The following ATF6 variants were observed in gnomAD, a reference collection of about 807,000 sequenced individuals.
The protein encoded by ATF6 is activating transcription factor 6.
ATF6 carries 53 observed loss-of-function variants against 83.6 expected under a neutral mutation model. The ratio of observed to expected loss-of-function variants is 0.63; its 90% CI spans 0.51 to 0.80. The LOEUF (loss-of-function observed/expected upper bound fraction) is 0.80, where lower values mean the gene tolerates loss of function less well. ATF6 is among the 30% of genes least tolerant of loss of function. The pLI, the probability that ATF6 is intolerant of heterozygous loss-of-function variation, is 0.00. For missense variants in ATF6, 744 were observed against 797.9 expected (o/e 0.93, Z 0.81); for synonymous variants, 288 against 285.8 (o/e 1.01, Z -0.08).
chr1:161,888,090 G>A (rs935015457), intron 14 of ATF6, among the ~76,000 whole-genome samples: 2 of 152,082 alleles, frequency 1.3e-5, no homozygotes, highest in South Asian at 2.1e-4. Flanking sequence ...GAAACATTAC[G>A]AATAAATAAA....
At chr1:161,852,167 G>T (rs1175834708) in intron 11 of ATF6, among the ~76,000 whole-genome samples, 1 of 152,142 alleles carries the variant, frequency 6.6e-6, no homozygotes, top group Non-Finnish European at 1.5e-5. Context: ...ATAATAATTT[G>T]TGGGTATGTG....
chr1:161,961,247 C>T lies in ATF6; in HGVS notation c.*2593C>T, dbSNP rs1292963374. On this transcript the variant is annotated 3_prime_UTR_variant, in exon 16 of 16. Coordinates refer to ENST00000367942, the MANE Select transcript of ATF6 (RefSeq NM_007348.4). ...AAGAGCAGGAAGGTGGTAGCAGGGCCGGCAGCTCTGCCACAGAGCTAGGGG... is the reference window on the plus strand; with the variant it reads ...AAGAGCAGGAAGGTGGTAGCAGGGCTGGCAGCTCTGCCACAGAGCTAGGGG... 2.0e-5 allele frequency: 3 copies of T among 152,272 alleles called. No individual in the cohort carries two copies. The highest frequency in any genetic ancestry group is 7.2e-5 in the African/African-American group (3 of 41,436). 9.4% of individuals were successfully genotyped at this position (152,272 alleles called of 1,614,324 possible). A position where few individuals can be genotyped will look rare whatever the true frequency, so the allele number is the denominator to read the frequency against.
chr1:161,822,916 T>C (rs922802419), intron 9 of ATF6, among the ~76,000 whole-genome samples: 2 of 152,198 alleles, frequency 1.3e-5, no homozygotes, highest in Middle Eastern at 3.2e-3. Context: ...TGTGTTTATA[T>C]GTATTTAGTT....
At chr1:161,782,771 C>G (rs1435785029) in intron 3 of ATF6, among the ~76,000 whole-genome samples, 2 of 146,432 alleles carry the variant, frequency 1.4e-5, no homozygotes, top group Non-Finnish European at 3.0e-5. Flanking sequence ...GTGGGATACA[C>G]AAAGTCAGTG....
intron 14 of ATF6, among the ~76,000 whole-genome samples, chr1:161,893,233 C>A (rs1003788836): frequency 2.6e-5 from 4 of 151,848 alleles, no homozygotes; most frequent in African/African-American, 9.7e-5. Flanking sequence ...GTGGTGCGAT[C>A]TCGACTCACT....
At chr1:161,828,203 G>A (rs1685953480) in intron 9 of ATF6, among the ~76,000 whole-genome samples, 1 of 150,758 alleles carries the variant, frequency 6.6e-6, no homozygotes, top group Non-Finnish European at 1.5e-5. Context: ...TCTACCTTAA[G>A]GTTAAGGAAC....
At chr1:161,931,245 A>G (rs796260975) in intron 15 of ATF6, among the ~76,000 whole-genome samples, 2 of 152,278 alleles carry the variant, frequency 1.3e-5, no homozygotes, top group African/African-American at 4.8e-5. Context: ...CCTCTAAACT[A>G]TAGTCCTTTA....
chr1:161,887,188 A>G (rs1244473735), intron 14 of ATF6, among the ~76,000 whole-genome samples: 1 of 151,090 alleles, frequency 6.6e-6, no homozygotes, highest in East Asian at 1.9e-4. Flanking sequence ...TCTCCTGCCT[A>G]AGCCTCCCGA....
chr1:161,838,481 TAGG>T (rs1179946720), intron 9 of ATF6, among the ~76,000 whole-genome samples: 1 of 152,100 alleles, frequency 6.6e-6, no homozygotes, highest in African/African-American at 2.4e-5. Context: ...TGGGGTGGCT[TAGG>T]TTGGAGGACC....
intron 14 of ATF6, among the ~76,000 whole-genome samples, chr1:161,900,182 A>G (rs1425396461): frequency 1.3e-5 from 2 of 152,164 alleles, no homozygotes; most frequent in African/African-American, 2.4e-5. Flanking sequence ...TCAATATTTA[A>G]TATTAGAAGT....
At position 161,920,294 on chromosome 1, in the gene ATF6, C is replaced by CTTTTTTT. The variant is rs71798307; in HGVS notation, c.1804+7926_1804+7932dup. Among the ~76,000 whole-genome samples, 263 of 54,750 alleles carry CTTTTTTT rather than the reference C, an allele frequency of 4.8e-3. 61 individuals are homozygous for CTTTTTTT. The highest frequency in any genetic ancestry group is 0.019 in the African/African-American group (254 of 13,404). 35.9% of individuals were successfully genotyped at this position (54,750 alleles called of 152,430 possible). A position where few individuals can be genotyped will look rare whatever the true frequency, so the allele number is the denominator to read the frequency against. On this transcript the variant is annotated intron_variant, in intron 15 of 15. Coordinates refer to ENST00000367942, the MANE Select transcript of ATF6 (RefSeq NM_007348.4). ...TAGTTCTCTTTCTCTCTCTCTCTCT[C>CTTTTTTT]TTTTTTTTTTTTTTTTTTGAGACAG...
chr1:161,828,419 G>A (rs1361356793), intron 9 of ATF6, among the ~76,000 whole-genome samples: 2 of 152,184 alleles, frequency 1.3e-5, no homozygotes, highest in African/African-American at 4.8e-5. Flanking sequence ...TGGAAGTGGT[G>A]CTTGTTCTGG....
At chr1:161,847,733 T>G (rs1353887119) in intron 10 of ATF6, among the ~76,000 whole-genome samples, 1 of 152,132 alleles carries the variant, frequency 6.6e-6, no homozygotes, top group Non-Finnish European at 1.5e-5. Flanking sequence ...ATTCTGTTAG[T>G]GTCCACATAA....
chr1:161,798,193 C>G (rs1024098893), intron 6 of ATF6, among the ~76,000 whole-genome samples: 1 of 152,130 alleles, frequency 6.6e-6, no homozygotes, highest in Non-Finnish European at 1.5e-5. Context: ...TGTACAGGCT[C>G]AAATTATAAA....
chr1:161,854,231 T>G (rs991645650), intron 12 of ATF6, among the ~76,000 whole-genome samples: 4 of 152,158 alleles, frequency 2.6e-5, no homozygotes, highest in Non-Finnish European at 5.9e-5. Context: ...GGAATAAAAT[T>G]TTTTCACTTG....
rs1689139584 is a variant in ATF6 at position 161,963,278 on chromosome 1, G to A, written c.*4624G>A. 6.6e-6 allele frequency: 1 copy of A among 152,158 alleles called. No homozygotes were observed. 9.4% of individuals were successfully genotyped at this position (152,158 alleles called of 1,614,324 possible). A position where few individuals can be genotyped will look rare whatever the true frequency, so the allele number is the denominator to read the frequency against. ...CTTTCGGCCATTTGTTCTAATATGT[G>A]TGTTATTAGATGCAATAGAATTTAT... On this transcript the variant is annotated 3_prime_UTR_variant, in exon 16 of 16. Coordinates refer to ENST00000367942, the MANE Select transcript of ATF6 (RefSeq NM_007348.4).
intron 12 of ATF6, among the ~76,000 whole-genome samples, chr1:161,859,431 G>T (rs1380429565): frequency 6.6e-6 from 1 of 152,152 alleles, no homozygotes; most frequent in African/African-American, 2.4e-5. Context: ...TGTAGCTTGG[G>T]CACATGTAGG....
chr1:161,934,793 C>T (rs535822701), intron 15 of ATF6, among the ~76,000 whole-genome samples: 1 of 152,226 alleles, frequency 6.6e-6, no homozygotes, highest in East Asian at 1.9e-4. Context: ...AATCCATGTT[C>T]CTAAGGTAAC....
chr1:161,786,100 C>A (rs930382274), intron 4 of ATF6, among the ~76,000 whole-genome samples: 3 of 18,908 alleles, frequency 1.6e-4, no homozygotes, highest in Non-Finnish European at 2.6e-4. Flanking sequence ...CTCAGCCTCC[C>A]GAGTACCTGG....
Sources: allele counts gnomAD v4.1 joint callset (sites outside exome capture counted in the v4.1 genomes callset), GRCh38; gene constraint gnomAD v4.1.1; transcripts MANE v1.5; gene names NCBI Gene and HGNC (gene_info 2026-07-23, HGNC 2026-07-21).